IPO11: variants seen among roughly 807,000 people sequenced by gnomAD.
IPO11 encodes the protein importin 11.
A neutral mutation model predicts 143.2 loss-of-function variants in IPO11; 66 were observed. The ratio of observed to expected loss-of-function variants is 0.46; its 90% CI spans 0.38 to 0.57. The LOEUF is 0.57. Ranked by LOEUF, IPO11 falls within the 20% of genes least tolerant of loss-of-function variation. The pLI is 0.00. For synonymous variants in IPO11, 385 were observed against 377.8 expected (o/e 1.02, Z -0.22); for missense variants, 1,026 against 1,141.0 (o/e 0.90, Z 1.45).
At chr5:62,449,850 A>C in intron 3 of IPO11, 77 bp from the exon 4 acceptor site, 1 of 899,432 alleles carries the variant, frequency 1.1e-6, no homozygotes, top group Non-Finnish European at 1.7e-6. Flanking sequence ...TTTTTATTAA[A>C]ATTTACAGTA....
Position 62,451,829 on chromosome 5 carries a change from G to C in IPO11, c.412G>C (p.Val138Leu). Reference protein sequence around the residue: ...LIPTLIESVKVQDDLRQHRAL... With the variant: ...LIPTLIESVKLQDDLRQHRAL... ...TCCCACTCTTATAGAGTCTGTTAAA[G>C]TCCAGGATGATCTTCGACAGCACAG... The change falls in exon 5 of 30, where the codon GTC becomes CTC. Residue 138 changes from valine to leucine, a missense_variant. Around this residue, in one of 5 missense-constraint regions of IPO11, gnomAD observed 429 missense variants for 456.3 expected, o/e 0.94. Coordinates refer to ENST00000325324, the MANE Select transcript of IPO11 (RefSeq NM_016338.5). The C allele has an allele frequency of 6.2e-7, 1 of 1,614,094 alleles. No individual in the cohort carries two copies.
intron 29 of IPO11, among the ~76,000 whole-genome samples, 186 bp from the exon 30 acceptor site, chr5:62,626,968 G>A (rs1271039579): frequency 1.3e-5 from 2 of 152,182 alleles, no homozygotes; most frequent in African/African-American, 2.4e-5. Flanking sequence ...CTGAAGTTAA[G>A]ACTAATTGAA....
intron 28 of IPO11, among the ~76,000 whole-genome samples, chr5:62,598,866 G>C (rs902413594): frequency 1.7e-4 from 26 of 151,586 alleles, no homozygotes; most frequent in Non-Finnish European, 2.9e-5. Flanking sequence ...TCTTATATCA[G>C]CCTAGCTGAA....
chr5:62,581,386 C>A, intron 27 of IPO11: 1 of 1,069,784 alleles, frequency 9.3e-7, no homozygotes, highest in Non-Finnish European at 1.3e-6. Flanking sequence ...TAATTATATA[C>A]TTTAGTTGGA....
chr5:62,493,949 AC>A, intron 15 of IPO11, 48 bp from the exon 16 acceptor site: 1 of 1,480,272 alleles, frequency 6.8e-7, no homozygotes, highest in Non-Finnish European at 9.2e-7. Context: ...AAAGAAATAG[AC>A]CTCTTAAAAT....
At chr5:62,428,184 T>C (rs1357311200) in intron 1 of IPO11, among the ~76,000 whole-genome samples, 1 of 152,132 alleles carries the variant, frequency 6.6e-6, no homozygotes, top group Admixed American at 6.6e-5. Context: ...TCAATTGTTG[T>C]TGAAACCGTA....
chr5:62,578,101 C>G (rs1396650196), intron 27 of IPO11, among the ~76,000 whole-genome samples: 1 of 152,078 alleles, frequency 6.6e-6, no homozygotes, highest in Non-Finnish European at 1.5e-5. Flanking sequence ...CTCTTTTACT[C>G]TCCCCAATTT....
intron 27 of IPO11, among the ~76,000 whole-genome samples, chr5:62,562,749 T>G (rs982836095): frequency 6.6e-6 from 1 of 152,218 alleles, no homozygotes; most frequent in Non-Finnish European, 1.5e-5. Flanking sequence ...AGTCCTTATT[T>G]GTTCTTTATG....
At chr5:62,441,256 G>C (rs543849649) in intron 2 of IPO11, among the ~76,000 whole-genome samples, 5 of 152,024 alleles carry the variant, frequency 3.3e-5, no homozygotes, top group Admixed American at 6.6e-5. Context: ...GGAGTGCAAT[G>C]GTGCGATCTC....
At chr5:62,461,988 A>G (rs1424273699) in intron 5 of IPO11, among the ~76,000 whole-genome samples, 1 of 152,226 alleles carries the variant, frequency 6.6e-6, no homozygotes, top group Non-Finnish European at 1.5e-5. Flanking sequence ...GATTTGAGAT[A>G]TTTTAGCCTG....
At chr5:62,552,572 A>G (rs987229295) in intron 26 of IPO11, among the ~76,000 whole-genome samples, 3 of 151,764 alleles carry the variant, frequency 2.0e-5, no homozygotes, top group African/African-American at 7.3e-5. Flanking sequence ...TTGGCCTCCC[A>G]AAGTGCTGAG....
chr5:62,582,076 AG>A (rs1744588926), intron 27 of IPO11, among the ~76,000 whole-genome samples: 1 of 152,178 alleles, frequency 6.6e-6, no homozygotes, highest in African/African-American at 2.4e-5. Flanking sequence ...AGGTGATGAA[AG>A]CTTTATAGTT....
chr5:62,506,426 C>A, intron 19 of IPO11, 69 bp downstream of exon 19: 1 of 840,524 alleles, frequency 1.2e-6, no homozygotes, highest in Non-Finnish European at 2.0e-6. Flanking sequence ...CATTAATATC[C>A]TTGACTACAT....
At chr5:62,472,529 CTTTTTTT>C (rs11398365) in intron 7 of IPO11, among the ~76,000 whole-genome samples, 7 of 131,222 alleles carry the variant, frequency 5.3e-5, no homozygotes, top group African/African-American at 8.5e-5. Flanking sequence ...ATATAAAAAT[CTTTTTTT>C]TTTTTTTTTT....
In IPO11 at chr5:62,525,368, T is replaced by TG. The variant is rs1424156425; in HGVS notation, c.1897-774_1897-773insG. ...AAATCCTCCCATCCTTTTTTTTTTTTTGTGTGTGTGTGTGTGTGAGGTGAG... is the reference window on the plus strand; with the variant it reads ...AAATCCTCCCATCCTTTTTTTTTTTTGTGTGTGTGTGTGTGTGTGAGGTGAG... On this transcript the variant is annotated intron_variant, in intron 20 of 29. Transcript: ENST00000325324. Among the ~76,000 whole-genome samples, 983 of 149,320 alleles carry TG rather than the reference T, an allele frequency of 6.6e-3. 8 individuals carry two copies. The highest frequency in any genetic ancestry group is 0.019 in the African/African-American group (783 of 40,528).
intron 1 of IPO11, among the ~76,000 whole-genome samples, chr5:62,417,579 C>T (rs1743346798): frequency 6.6e-6 from 1 of 152,078 alleles, no homozygotes; most frequent in African/African-American, 2.4e-5. Context: ...TCTCTGACCA[C>T]TTTAGATGTT....
chr5:62,559,449 G>A (rs868487915), intron 26 of IPO11, among the ~76,000 whole-genome samples: 2 of 151,912 alleles, frequency 1.3e-5, no homozygotes, highest in South Asian at 4.2e-4. Context: ...CACAATTGGA[G>A]TCAATCCTCT....
intron 2 of IPO11, 146 bp downstream of exon 2, chr5:62,437,563 A>T: frequency 1.6e-6 from 1 of 606,640 alleles, no homozygotes. Flanking sequence ...TTATTACTTT[A>T]TGACTTCTTA....
chr5:62,481,162 C>T (rs1376307761), intron 9 of IPO11, among the ~76,000 whole-genome samples: 6 of 152,098 alleles, frequency 3.9e-5, no homozygotes, highest in African/African-American at 1.4e-4. Flanking sequence ...TTGTGATCCA[C>T]CCGCCTTGGC....
Sources: allele counts gnomAD v4.1 joint callset (sites outside exome capture counted in the v4.1 genomes callset), GRCh38; gene constraint gnomAD v4.1.1; regional missense constraint gnomAD v4.1.1; transcripts MANE v1.5; gene names NCBI Gene and HGNC (gene_info 2026-07-23, HGNC 2026-07-21).